Variants in PRR16 observed in about 807,000 individuals in gnomAD.
PRR16 encodes the protein protein Largen.
Under a neutral mutation model 18.2 loss-of-function variants are expected in PRR16, and 6 were observed. That is an observed-to-expected ratio of 0.33 (90% CI 0.18 to 0.65). The LOEUF is 0.65. Ranked by LOEUF, PRR16 falls within the 30% of genes least tolerant of loss-of-function variation. The probability of loss-of-function intolerance (pLI) is 0.74; values close to 1 mark genes in which losing one functional copy is unlikely to be tolerated. For missense variants in PRR16, 412 were observed against 376.6 expected, an observed-to-expected ratio of 1.09 and a Z score of -0.78; for synonymous variants, 151 against 147.8, an observed-to-expected ratio of 1.02 and a Z score of -0.16.
intron 1 of PRR16, among the ~76,000 whole-genome samples, chr5:120,533,837 G>A (rs890866797): frequency 6.6e-6 from 1 of 152,170 alleles, no homozygotes; most frequent in Non-Finnish European, 1.5e-5. Flanking sequence ...CACATGACAC[G>A]AATTCCATTT....
chr5:120,543,918 C>G (rs1751995109), intron 1 of PRR16, among the ~76,000 whole-genome samples: 2 of 152,064 alleles, frequency 1.3e-5, no homozygotes, highest in African/African-American at 4.8e-5. Flanking sequence ...GACTAAAAAC[C>G]TCTAAGGAGT....
At chr5:120,754,195 TA>T in the PRR16 span, among the ~76,000 whole-genome samples, 202 of 92,744 alleles carry the variant, frequency 2.2e-3, 2 homozygotes, top group African/African-American at 7.6e-3. Context: ...AATATATAAT[TA>T]TATATTATAA....
At chr5:120,642,945 T>G (rs183763584) in intron 1 of PRR16, among the ~76,000 whole-genome samples, 1 of 152,262 alleles carries the variant, frequency 6.6e-6, no homozygotes, top group Admixed American at 6.5e-5. Flanking sequence ...TCTTGATTTC[T>G]GATTACCTAA....
chr5:120,673,618 TGGCTATAAAATAATTA>T (rs1390573028), intron 1 of PRR16, among the ~76,000 whole-genome samples: 2 of 152,138 alleles, frequency 1.3e-5, no homozygotes, highest in Admixed American at 1.3e-4. Flanking sequence ...ATCTATGCTA[TGGCTATAAAATAATTA>T]GACTTAAAAC....
At chr5:120,735,193 C>T in the PRR16 span, among the ~76,000 whole-genome samples, 1 of 152,268 alleles carries the variant, frequency 6.6e-6, no homozygotes, top group Non-Finnish European at 1.5e-5. Context: ...ACAGAATTTC[C>T]TTCTTTTTTA....
At chr5:120,772,020 C>T in the PRR16 span, among the ~76,000 whole-genome samples, 2 of 151,862 alleles carry the variant, frequency 1.3e-5, no homozygotes, top group East Asian at 3.9e-4. Flanking sequence ...TTTCTTTAAG[C>T]TGTTCTTATT....
chr5:120,660,626 C>A (rs1401233064), intron 1 of PRR16, among the ~76,000 whole-genome samples: 1 of 151,986 alleles, frequency 6.6e-6, no homozygotes, highest in Non-Finnish European at 1.5e-5. Flanking sequence ...TTAAATGACA[C>A]AGATACAACA....
chr5:120,764,187 C>T, the PRR16 span, among the ~76,000 whole-genome samples: 1 of 152,068 alleles, frequency 6.6e-6, no homozygotes, highest in East Asian at 1.9e-4. Flanking sequence ...GTGGTGTTTT[C>T]TGTGGGTGTA....
chr5:120,711,625 A>T, the PRR16 span, among the ~76,000 whole-genome samples: 1 of 152,192 alleles, frequency 6.6e-6, no homozygotes, highest in African/African-American at 2.4e-5. Flanking sequence ...CTATAGATAC[A>T]TCTCTCTTGG....
chr5:120,663,353 T>A (rs1389830707), intron 1 of PRR16, among the ~76,000 whole-genome samples: 1 of 152,172 alleles, frequency 6.6e-6, no homozygotes, highest in African/African-American at 2.4e-5. Flanking sequence ...TTCCATCATC[T>A]CCTTTCTAAA....
chr5:120,472,341 C>G (rs1356547161), intron 1 of PRR16, among the ~76,000 whole-genome samples: 2 of 152,092 alleles, frequency 1.3e-5, no homozygotes, highest in African/African-American at 4.8e-5. Flanking sequence ...CTCAAGATTT[C>G]AAACTGTGTG....
At chr5:120,505,415 A>G (rs1750607239) in intron 1 of PRR16, among the ~76,000 whole-genome samples, 1 of 152,198 alleles carries the variant, frequency 6.6e-6, no homozygotes, top group African/African-American at 2.4e-5. Flanking sequence ...CTGCTTGGGC[A>G]GGTGTCCAAT....
intron 1 of PRR16, among the ~76,000 whole-genome samples, chr5:120,638,268 G>C (rs2112851877): frequency 6.6e-6 from 1 of 152,146 alleles, no homozygotes; most frequent in Admixed American, 6.6e-5. Flanking sequence ...CATATTTTTA[G>C]ATTAAGGATG....
chr5:120,751,010 C>T, the PRR16 span, among the ~76,000 whole-genome samples: 1 of 152,076 alleles, frequency 6.6e-6, no homozygotes, highest in Non-Finnish European at 1.5e-5. Context: ...ATTTTTTTAG[C>T]TTCCATATAT....
chr5:120,568,541 T>C (rs1044229192), intron 1 of PRR16, among the ~76,000 whole-genome samples: 1 of 152,180 alleles, frequency 6.6e-6, no homozygotes, highest in Non-Finnish European at 1.5e-5. Context: ...TCCCTCAATC[T>C]CACCACTTTC....
the PRR16 span, among the ~76,000 whole-genome samples, chr5:120,725,718 C>G: frequency 6.6e-5 from 10 of 152,122 alleles, no homozygotes; most frequent in African/African-American, 1.9e-4. Flanking sequence ...GTTTATACAC[C>G]TTTCCCTACT....
chr5:120,729,745 G>T, the PRR16 span, among the ~76,000 whole-genome samples: 1 of 152,126 alleles, frequency 6.6e-6, no homozygotes, highest in African/African-American at 2.4e-5. Context: ...TCCTCACAAA[G>T]TGAAAACATG....
chr5:120,601,404 A>G (rs1432299321), intron 1 of PRR16, among the ~76,000 whole-genome samples: 1 of 151,516 alleles, frequency 6.6e-6, no homozygotes, highest in African/African-American at 2.4e-5. Flanking sequence ...TCCTTTGCCT[A>G]TTTTCTTAAT....
chr5:120,791,899 T>C, the PRR16 span, among the ~76,000 whole-genome samples: 1 of 152,088 alleles, frequency 6.6e-6, no homozygotes, highest in Non-Finnish European at 1.5e-5. Context: ...TGCAATGTAA[T>C]GAAGAAAATT....
Sources: allele counts gnomAD v4.1 joint callset (sites outside exome capture counted in the v4.1 genomes callset), GRCh38; gene constraint gnomAD v4.1.1; transcripts MANE v1.5; gene names NCBI Gene and HGNC (gene_info 2026-07-23, HGNC 2026-07-21).